MBLAC1: variants seen among roughly 807,000 people sequenced by gnomAD.
The protein encoded by MBLAC1 is metallo-beta-lactamase domain containing 1, also known as metallo-beta-lactamase domain-containing protein 1.
Under a neutral mutation model 1.5 loss-of-function variants are expected in MBLAC1, and 1 was observed. That is an observed-to-expected ratio of 0.68 (90% CI 0.24 to 3.21). The LOEUF (loss-of-function observed/expected upper bound fraction) is 3.21. MBLAC1 is among the 30% of genes most tolerant of loss of function. MBLAC1 has a pLI of 0.20. For missense variants in MBLAC1, 371 were observed against 384.7 expected (o/e 0.96, Z 0.30); for synonymous variants, 197 against 191.3 (o/e 1.03, Z -0.25).
chr7:100,128,345 A>G lies in MBLAC1; in HGVS notation c.*149A>G, dbSNP rs556520472. On this transcript the variant is annotated 3_prime_UTR_variant, in exon 2 of 2. Transcript: ENST00000398075. ...AAGACAGAGTGCACCTGACACTGCC[A>G]TCACATCGTCAGTATCACTGCCTGT... The G allele has an allele frequency of 8.9e-6, 6 of 672,308 alleles. No homozygotes were observed. Among genetic ancestry groups the G allele is most frequent in the Non-Finnish European group, 1.3e-5 (5 of 391,940 alleles). The allele number at this position is 672,308 out of a possible 1,614,324, so 41.6% of individuals were successfully genotyped here.
At position 100,127,815 on chromosome 7, in the gene MBLAC1, C is replaced by A; in HGVS notation, c.420C>A (p.Pro140=). 1.3e-6 allele frequency: 2 copies of A among 1,573,392 alleles called. No homozygotes were observed. Among genetic ancestry groups the A allele is most frequent in the Non-Finnish European group, 8.6e-7 (1 of 1,158,900 alleles). ...TGGTCTCGCACGACTTCTGCCTTCC[C>A]GGAGGCCGCTACCTGCCCCACGGGC... ...ALLVSHDFCL[P]GGRYLPHGLG... is the part of the protein sequence containing the mutation. The change falls in exon 2 of 2, where the codon CCC becomes CCA. Residue 140 remains proline (P), a synonymous_variant. Transcript: ENST00000398075. This position sits in a 1 kb window ranked among gnomAD's most constrained non-coding sequence, Gnocchi z 4.6.
rs553780964 is a variant in MBLAC1, at chr7:100,127,713, C to T, written c.318C>T (p.Asp106=). 3.4e-6 allele frequency: 5 copies of T among 1,456,860 alleles called. No homozygotes were observed. In the African/African-American group the frequency reaches 7.4e-5, roughly 22 times the overall value. 90.2% of individuals were successfully genotyped at this position (1,456,860 alleles called of 1,614,324 possible). A position where few individuals can be genotyped will look rare whatever the true frequency, so the allele number is the denominator to read the frequency against. Residue 106 remains aspartate (D), a synonymous_variant, in exon 2 of 2, where the codon GAC becomes GAT. Coordinates refer to ENST00000398075, the MANE Select transcript of MBLAC1 (RefSeq NM_203397.3). This position sits in a 1 kb window ranked among gnomAD's most constrained non-coding sequence, Gnocchi z 4.6. ...CGGGGCAGGGCGTGGCCCCGGGAGA[C>T]GTGACGCTAGTGGTGGGGACCCACG... ...ALAGQGVAPG[D]VTLVVGTHGH... is the part of the protein sequence containing the mutation.
rs370822293 is a variant in MBLAC1, at chr7:100,128,096, C to T, written c.701C>T (p.Pro234Leu). The T allele has an allele frequency of 5.0e-6, 8 of 1,609,792 alleles. No individual in the cohort carries two copies. The South Asian group carries it at 7.8e-5, about 16-fold the overall frequency. The change falls in exon 2 of 2, where the codon CCC becomes CTC. Residue 234 changes from proline (P) to leucine (L), a missense_variant. By Grantham distance (98) the Pro-to-Leu change is moderately conservative. Coordinates refer to ENST00000398075, the MANE Select transcript of MBLAC1 (RefSeq NM_203397.3). ...GTGGTCGTACCTGGTCACGGGCCCC[C>T]CTTTCGAGTGTTAAGGGAAGCCTCG... is the stretch of plus-strand genomic sequence containing the variant. ...ADVVVPGHGPPFRVLREASQP... is the reference protein window; with the variant it reads ...ADVVVPGHGPLFRVLREASQP...
rs1422485317 is a variant in MBLAC1, at chr7:100,127,873, G to T, written c.478G>T (p.Gly160Trp). Residue 160 changes from glycine to tryptophan, a missense_variant, in exon 2 of 2, where the codon GGG (glycine) becomes TGG (tryptophan). Physicochemically the swap from Gly to Trp is radical, Grantham distance 184. Transcript: ENST00000398075. The surrounding 1 kb of genome is among the most constrained non-coding windows in gnomAD (Gnocchi z 4.6). Reference sequence around the variant, plus strand: ...GGGGCAGCCCCTGCGCCTGGGCCCGGGGCTCGAGGTGTGGGCCACGCCGGG... The same window carrying T: ...GGGGCAGCCCCTGCGCCTGGGCCCGTGGCTCGAGGTGTGGGCCACGCCGGG... Reference protein sequence around the residue: ...GEGQPLRLGPGLEVWATPGHG... With the variant: ...GEGQPLRLGPWLEVWATPGHG... The T allele has an allele frequency of 6.4e-7, 1 of 1,559,744 alleles. No individual in the cohort carries two copies. Among genetic ancestry groups the T allele is most frequent in the African/African-American group, 1.4e-5 (1 of 73,630 alleles).
In MBLAC1 at chr7:100,127,071, C is replaced by G. The variant is rs138428123; in HGVS notation, c.-29+7C>G. 2,198 of 341,872 alleles carry G rather than the reference C, an allele frequency of 6.4e-3. 12 individuals are homozygous for G. Among genetic ancestry groups the G allele is most frequent in the South Asian group, 0.012 (275 of 22,262 alleles). The allele number at this position is 341,872 out of a possible 1,614,324, so 21.2% of individuals were successfully genotyped here. A position where few individuals can be genotyped will look rare whatever the true frequency, so the allele number is the denominator to read the frequency against. On this transcript the variant is annotated splice_region_variant and intron_variant, in intron 1 of 1. Coordinates refer to ENST00000398075, the MANE Select transcript of MBLAC1 (RefSeq NM_203397.3). This position sits in a 1 kb window ranked among gnomAD's most constrained non-coding sequence, Gnocchi z 4.6. ...GACCTAGCAGAGGCCCAAGGTAGAG[C>G]GCGGCTAGGATTCGATGGAGGGAAA...
Position 100,127,164 on chromosome 7 carries a change from C to A in MBLAC1, c.-29+100C>A, listed in dbSNP as rs1340003063. ...TACCGCGAACGGAATGGGGCGGGGG[C>A]CGAGGACGCCGAGGGAGGGGCGGGC... On this transcript the variant is annotated intron_variant, in intron 1 of 1. Transcript: ENST00000398075. The surrounding 1 kb of genome is among the most constrained non-coding windows in gnomAD (Gnocchi z 4.6). 4 of 538,948 alleles carry A rather than the reference C, an allele frequency of 7.4e-6. No individual in the cohort carries two copies. The allele number at this position is 538,948 out of a possible 1,614,324, so 33.4% of individuals were successfully genotyped here. A position where few individuals can be genotyped will look rare whatever the true frequency, so the allele number is the denominator to read the frequency against.
rs1443544973 is a variant in MBLAC1, at chr7:100,128,184, C to T, written c.789C>T (p.Pro263=). ...QQEPVVGDEE[P]ALH The stretch of plus-strand genomic sequence containing the variant: ...AGCCGGTGGTCGGAGACGAGGAGCC[C>T]GCCCTGCACTAATCAGCCTCGAGAG... The change falls in exon 2 of 2, where the codon CCC becomes CCT. Residue 263 remains proline (P), a synonymous_variant. Coordinates refer to ENST00000398075, the MANE Select transcript of MBLAC1 (RefSeq NM_203397.3). 3.8e-6 allele frequency: 6 copies of T among 1,590,332 alleles called. No individual in the cohort carries two copies. Among genetic ancestry groups the T allele is most frequent in the Non-Finnish European group, 4.3e-6 (5 of 1,168,240 alleles).
rs753188211 is a variant in MBLAC1, at chr7:100,128,126, C to T, written c.731C>T (p.Pro244Leu). 1 of 1,607,284 alleles carries T rather than the reference C, an allele frequency of 6.2e-7. No homozygotes were observed. The highest frequency in any genetic ancestry group is 8.5e-7 in the Non-Finnish European group (1 of 1,177,212). ...PFRVLREASQ[P>L]ETEGGGNSQQ... ...CGAGTGTTAAGGGAAGCCTCGCAGC[C>T]CGAGACGGAGGGTGGAGGGAACAGC... The change falls in exon 2 of 2, where the codon CCC becomes CTC. Residue 244 changes from proline (P) to leucine (L), a missense_variant. Transcript: ENST00000398075.
rs1316714497 is a variant in MBLAC1, at chr7:100,128,202, C to G, written c.*6C>G. On this transcript the variant is annotated 3_prime_UTR_variant, in exon 2 of 2. Coordinates refer to ENST00000398075, the MANE Select transcript of MBLAC1 (RefSeq NM_203397.3). ...AGGAGCCCGCCCTGCACTAATCAGC[C>G]TCGAGAGGGACTGCACTCTTGTCAG... 36 of 1,573,482 alleles carry G rather than the reference C, an allele frequency of 2.3e-5. No individual in the cohort carries two copies. The highest frequency in any genetic ancestry group is 2.9e-5 in the Non-Finnish European group (34 of 1,158,512).
chr7:100,127,623 C>A lies in MBLAC1; in HGVS notation c.228C>A (p.Ala76=). 7.2e-7 allele frequency: 1 copy of A among 1,398,446 alleles called. No individual in the cohort carries two copies. The highest frequency in any genetic ancestry group is 3.4e-5 in the Admixed American group (1 of 29,518). The allele number at this position is 1,398,446 out of a possible 1,614,324, so 86.6% of individuals were successfully genotyped here. ...GGAEAALEEA[A]RGPILVDTGG... is the part of the protein sequence containing the mutation. ...CAGAGGCCGCCCTGGAGGAGGCGGC[C>A]CGTGGCCCCATCCTGGTGGACACCG... The change falls in exon 2 of 2, where the codon GCC becomes GCA. Residue 76 remains alanine, a synonymous_variant. Coordinates refer to ENST00000398075, the MANE Select transcript of MBLAC1 (RefSeq NM_203397.3). The surrounding 1 kb of genome is among the most constrained non-coding windows in gnomAD (Gnocchi z 4.6).
Position 100,127,648 on chromosome 7 carries a change from G to T in MBLAC1, c.253G>T (p.Gly85Trp). 1 of 1,402,728 alleles carries T rather than the reference G, an allele frequency of 7.1e-7. No homozygotes were observed. Among genetic ancestry groups the T allele is most frequent in the South Asian group, 1.6e-5 (1 of 62,692 alleles). 86.9% of individuals were successfully genotyped at this position (1,402,728 alleles called of 1,614,324 possible). The change falls in exon 2 of 2, where the codon GGG becomes TGG. Residue 85 changes from glycine (G) to tryptophan (W), a missense_variant. By Grantham distance (184) the Gly-to-Trp change is radical. Transcript: ENST00000398075. The surrounding 1 kb of genome is among the most constrained non-coding windows in gnomAD (Gnocchi z 4.6). Reference sequence around the variant, plus strand: ...CCGTGGCCCCATCCTGGTGGACACCGGGGGCCCCTGGGCTCGGGAGGCGCT... The same window carrying T: ...CCGTGGCCCCATCCTGGTGGACACCTGGGGCCCCTGGGCTCGGGAGGCGCT... ...AARGPILVDTGGPWAREALLG... is the reference protein window; with the variant it reads ...AARGPILVDTWGPWAREALLG...
In MBLAC1 at chr7:100,128,119, T is replaced by A. The variant is rs1198650435; in HGVS notation, c.724T>A (p.Ser242Thr). The A allele has an allele frequency of 3.7e-6, 6 of 1,607,910 alleles. No homozygotes were observed. The highest frequency in any genetic ancestry group is 5.1e-6 in the Non-Finnish European group (6 of 1,177,514). ...CCCCTTTCGAGTGTTAAGGGAAGCC[T>A]CGCAGCCCGAGACGGAGGGTGGAGG... ...GPPFRVLREASQPETEGGGNS... is the reference protein window; with the variant it reads ...GPPFRVLREATQPETEGGGNS... Residue 242 changes from serine (S) to threonine (T), a missense_variant, in exon 2 of 2, where the codon TCG (serine) becomes ACG (threonine). Coordinates refer to ENST00000398075, the MANE Select transcript of MBLAC1 (RefSeq NM_203397.3).
Position 100,127,471 on chromosome 7 carries a change from CA to C in MBLAC1, c.77del (p.Gln26ArgfsTer19). 1 of 1,592,622 alleles carries C rather than the reference CA, an allele frequency of 6.3e-7. No homozygotes were observed. The highest frequency in any genetic ancestry group is 8.5e-7 in the Non-Finnish European group (1 of 1,177,128). ...CCCCTACTCTGTGGTGGTTCTGCTG[CA>C]GGGCTACGCGGAGCCAGAGGGTGTG... ...GDPYSVVVLL[Q>X]GYAEPEGVGD... On this transcript the variant is annotated frameshift_variant, in exon 2 of 2. Transcript: ENST00000398075. LOFTEE classifies it low-confidence loss of function (END_TRUNC). This position sits in a 1 kb window ranked among gnomAD's most constrained non-coding sequence, Gnocchi z 4.6.
rs1055524033 is a variant in MBLAC1, at chr7:100,127,124, G to A, written c.-29+60G>A. ...TAAAGGATAGCCTTTGGAGGGTGAC[G>A]GGCAAGGACGTACGTACCGCGAACG... On this transcript the variant is annotated intron_variant, in intron 1 of 1. Transcript: ENST00000398075. The surrounding 1 kb of genome is among the most constrained non-coding windows in gnomAD (Gnocchi z 4.6). 9 of 498,206 alleles carry A rather than the reference G, an allele frequency of 1.8e-5. No homozygotes were observed. The highest frequency in any genetic ancestry group is 1.1e-5 in the Non-Finnish European group (3 of 279,858). The allele number at this position is 498,206 out of a possible 1,614,324, so 30.9% of individuals were successfully genotyped here.
Position 100,128,174 on chromosome 7 carries a change from A to G in MBLAC1, c.779A>G (p.Asp260Gly). The change falls in exon 2 of 2, where the codon GAC becomes GGC. Residue 260 changes from aspartate (D) to glycine (G), a missense_variant. Coordinates refer to ENST00000398075, the MANE Select transcript of MBLAC1 (RefSeq NM_203397.3). ...GNSQQEPVVGDEEPALH is the reference protein window; with the variant it reads ...GNSQQEPVVGGEEPALH Reference sequence around the variant, plus strand: ...AGCCAGCAGGAGCCGGTGGTCGGAGACGAGGAGCCCGCCCTGCACTAATCA... The same window carrying G: ...AGCCAGCAGGAGCCGGTGGTCGGAGGCGAGGAGCCCGCCCTGCACTAATCA... 2 of 1,596,644 alleles carry G rather than the reference A, an allele frequency of 1.3e-6. No individual in the cohort carries two copies. Among genetic ancestry groups the G allele is most frequent in the Non-Finnish European group, 1.7e-6 (2 of 1,171,732 alleles).
rs761657288 is a variant in MBLAC1 at position 100,128,148 on chromosome 7, CA to C, written c.754del (p.Ser252AlafsTer56). 2 of 1,605,256 alleles carry C rather than the reference CA, an allele frequency of 1.2e-6. No individual in the cohort carries two copies. Among genetic ancestry groups the C allele is most frequent in the Non-Finnish European group, 1.7e-6 (2 of 1,176,158 alleles). On this transcript the variant is annotated frameshift_variant, in exon 2 of 2. Transcript: ENST00000398075. LOFTEE classifies it low-confidence loss of function (END_TRUNC). ...SQPETEGGGN[S>X]QQEPVVGDEE... is the part of the protein sequence containing the mutation. ...AGCCCGAGACGGAGGGTGGAGGGAACAGCCAGCAGGAGCCGGTGGTCGGAGA... is the reference window on the plus strand; with the variant it reads ...AGCCCGAGACGGAGGGTGGAGGGAACGCCAGCAGGAGCCGGTGGTCGGAGA...
rs368196494 is a variant in MBLAC1 at position 100,127,515 on chromosome 7, C to A, written c.120C>A (p.Ala40=). ...EPEGVGDAVR[A]DGSVTLVLPQ... The stretch of plus-strand genomic sequence containing the variant: ...AGGGTGTGGGCGATGCCGTGCGCGC[C>A]GACGGCTCCGTGACCCTGGTCCTAC... Residue 40 remains alanine, a synonymous_variant, in exon 2 of 2, where the codon GCC becomes GCA. Transcript: ENST00000398075. This position sits in a 1 kb window ranked among gnomAD's most constrained non-coding sequence, Gnocchi z 4.6. 5.7e-6 allele frequency: 9 copies of A among 1,571,236 alleles called. No individual in the cohort carries two copies. The highest frequency in any genetic ancestry group is 1.4e-5 in the African/African-American group (1 of 72,158).
At position 100,127,617 on chromosome 7, in the gene MBLAC1, G is replaced by C; in HGVS notation, c.222G>C (p.Glu74Asp). 7.2e-7 allele frequency: 1 copy of C among 1,396,588 alleles called. No individual in the cohort carries two copies. The highest frequency in any genetic ancestry group is 9.2e-7 in the Non-Finnish European group (1 of 1,082,278). 86.5% of individuals were successfully genotyped at this position (1,396,588 alleles called of 1,614,324 possible). Residue 74 changes from glutamate (E) to aspartate (D), a missense_variant, in exon 2 of 2, where the codon GAG (glutamate) becomes GAC (aspartate). Transcript: ENST00000398075. This position sits in a 1 kb window ranked among gnomAD's most constrained non-coding sequence, Gnocchi z 4.6. ...GCGGCGCAGAGGCCGCCCTGGAGGA[G>C]GCGGCCCGTGGCCCCATCCTGGTGG... ...GSGGAEAALE[E>D]AARGPILVDT...
chr7:100,128,139 T>C lies in MBLAC1; in HGVS notation c.744T>C (p.Gly248=). 1 of 1,603,002 alleles carries C rather than the reference T, an allele frequency of 6.2e-7. No individual in the cohort carries two copies. Among genetic ancestry groups the C allele is most frequent in the Non-Finnish European group, 8.5e-7 (1 of 1,175,762 alleles). Residue 248 remains glycine (G), a synonymous_variant, in exon 2 of 2, where the codon GGT becomes GGC. Transcript: ENST00000398075. ...LREASQPETE[G]GGNSQQEPVV... is the part of the protein sequence containing the mutation. ...AAGCCTCGCAGCCCGAGACGGAGGGTGGAGGGAACAGCCAGCAGGAGCCGG... is the reference window on the plus strand; with the variant it reads ...AAGCCTCGCAGCCCGAGACGGAGGGCGGAGGGAACAGCCAGCAGGAGCCGG...
Sources: gnomAD v4.1 joint callset for allele counts on GRCh38, gnomAD v4.1.1 for gene constraint, Gnocchi (gnomAD v3.1) non-coding constraint, MANE v1.5 for transcripts, NCBI Gene and HGNC (gene_info 2026-07-23, HGNC 2026-07-21) for gene names.